The following CDK12 variants were observed in gnomAD, a reference collection of about 807,000 sequenced individuals.
CDK12 encodes cyclin dependent kinase 12, also known as cyclin-dependent kinase 12.
A neutral mutation model predicts 133.8 loss-of-function variants in CDK12; 17 were observed. That is an observed-to-expected ratio of 0.13 (90% CI 0.09 to 0.19). The LOEUF (loss-of-function observed/expected upper bound fraction) is 0.19, where lower values mean the gene tolerates loss of function less well. Among genes scored for constraint, CDK12 ranks in the 10% least tolerant of loss-of-function variants. The pLI is 1.00. For synonymous variants in CDK12, 694 were observed against 683.6 expected (o/e 1.02, Z -0.24); for missense variants, 1,508 against 1,818.7 (o/e 0.83, Z 3.11).
intron 2 of CDK12, among the ~76,000 whole-genome samples, chr17:39,474,559 C>T (rs2050036655): frequency 6.6e-6 from 1 of 152,132 alleles, no homozygotes; most frequent in Admixed American, 6.6e-5. Flanking sequence ...AAGTGATCCG[C>T]TTGCTTTGGC....
chr17:39,466,615 G>GAAAAAAAAAAAAAAAA (rs71147339), intron 1 of CDK12, among the ~76,000 whole-genome samples: 1 of 31,482 alleles, frequency 3.2e-5, no homozygotes. Context: ...AACTCTATCT[G>GAAAAAAAAAAAAAAAA]AAAAAAAAAA....
chr17:39,490,558 C>T lies in CDK12; in HGVS notation c.1933C>T (p.Pro645Ser), dbSNP rs754157372. 2 of 1,602,086 alleles carry T rather than the reference C, an allele frequency of 1.2e-6. No individual in the cohort carries two copies. The highest frequency in any genetic ancestry group is 1.7e-6 in the Non-Finnish European group (2 of 1,174,124). The change falls in exon 3 of 14, where the codon CCA becomes TCA. Residue 645 changes from proline to serine, a missense_variant and splice_region_variant. Around this residue, in one of 9 missense-constraint regions of CDK12, gnomAD observed 347 missense variants for 330.8 expected, o/e 1.05. Coordinates refer to ENST00000447079, the MANE Select transcript of CDK12 (RefSeq NM_016507.4). ...CATCTCTTCTCATTTATTGTTTAGT[C>T]CAAAAGAAACTCTTCCTTCAAAACC... ...LLPGDDDMDS[P>S]KETLPSKPVK...
chr17:39,508,729 C>T (rs954601550), intron 6 of CDK12, among the ~76,000 whole-genome samples: 1 of 152,060 alleles, frequency 6.6e-6, no homozygotes, highest in Non-Finnish European at 1.5e-5. Flanking sequence ...TCATGGTGGC[C>T]CATGCCTGTA....
chr17:39,507,315 G>C (rs563311145), intron 6 of CDK12, among the ~76,000 whole-genome samples: 2 of 151,504 alleles, frequency 1.3e-5, no homozygotes, highest in Non-Finnish European at 2.9e-5. Flanking sequence ...GGCCGGGCGC[G>C]GTGGCTCATG....
At chr17:39,477,453 G>C (rs1204039400) in intron 2 of CDK12, among the ~76,000 whole-genome samples, 2 of 151,350 alleles carry the variant, frequency 1.3e-5, no homozygotes, top group Admixed American at 6.6e-5. Flanking sequence ...GGTCAGGCTG[G>C]TCTCGAACTC....
At chr17:39,536,209 C>A (rs1448429349), downstream of CDK12, among the ~76,000 whole-genome samples, 2 of 152,164 alleles carry the variant, frequency 1.3e-5, no homozygotes, top group African/African-American at 4.8e-5. Flanking sequence ...ATTTCTCTTT[C>A]TCCCCACTCA....
rs187037757 is a variant in CDK12, at chr17:39,501,502, A to C, written c.2609+63A>C. 4,589 of 1,124,824 alleles carry C rather than the reference A, an allele frequency of 4.1e-3. 14 individuals are homozygous for C. The highest frequency in any genetic ancestry group is 5.7e-3 in the Non-Finnish European group (4,394 of 771,416). The allele number at this position is 1,124,824 out of a possible 1,614,324, so 69.7% of individuals were successfully genotyped here. On this transcript the variant is annotated intron_variant, in intron 6 of 13. Coordinates refer to ENST00000447079, the MANE Select transcript of CDK12 (RefSeq NM_016507.4). ...TTCTCCTCTGACCTTTTTAGTTTCA[A>C]ATGGTTAATTGGTATTATAATTAGA...
chr17:39,509,660 G>A (rs1246191744), intron 6 of CDK12, 45 bp from the exon 7 acceptor site: 1 of 1,368,198 alleles, frequency 7.3e-7, no homozygotes, highest in African/African-American at 1.4e-5. Flanking sequence ...GTATTTTGGA[G>A]GCCACTGCTA....
chr17:39,525,477 G>T (rs1170291441), intron 12 of CDK12, among the ~76,000 whole-genome samples: 1 of 152,092 alleles, frequency 6.6e-6, no homozygotes, highest in Non-Finnish European at 1.5e-5. Flanking sequence ...AATCATCCTG[G>T]AAGCTTTAAA....
intron 1 of CDK12, among the ~76,000 whole-genome samples, chr17:39,542,190 CTTTT>C (rs1172086295): frequency 6.9e-6 from 1 of 145,324 alleles, no homozygotes. Context: ...AAAGAATAAT[CTTTT>C]TTTTTTTTTG....
chr17:39,482,413 C>T lies in CDK12; in HGVS notation c.1932-8144C>T, dbSNP rs531432823. Among the ~76,000 whole-genome samples, 348 of 151,942 alleles carry T rather than the reference C, an allele frequency of 2.3e-3. 2 individuals carry two copies. The highest frequency in any genetic ancestry group is 8.0e-3 in the African/African-American group (330 of 41,454). ...TGTATCTCTATAAGTTCAGTAAACT[C>T]CAAATGAACCAGGATTTTCCTAGTA... On this transcript the variant is annotated intron_variant, in intron 2 of 13. Transcript: ENST00000447079.
At chr17:39,543,393 C>A (rs2055523135), upstream of CDK12, among the ~76,000 whole-genome samples, 1 of 152,174 alleles carries the variant, frequency 6.6e-6, no homozygotes, top group Non-Finnish European at 1.5e-5. Context: ...TAGACCCCTC[C>A]TGGATGTATC....
Position 39,481,624 on chromosome 17 carries a change from C to T in CDK12, c.1932-8933C>T, listed in dbSNP as rs532834124. Among the ~76,000 whole-genome samples the T allele has an allele frequency of 8.7e-4, 102 of 117,054 alleles. 1 individual carries two copies. Among genetic ancestry groups the T allele is most frequent in the African/African-American group, 2.5e-3 (77 of 31,142 alleles). The allele number at this position is 117,054 out of a possible 152,430, so 76.8% of individuals were successfully genotyped here. ...TGCGCCCAGCACTTATGTGCTTGCT[C>T]GCTCGCGCGCTCTCTCTCTCTCTCT... On this transcript the variant is annotated intron_variant, in intron 2 of 13. Coordinates refer to ENST00000447079, the MANE Select transcript of CDK12 (RefSeq NM_016507.4).
intron 2 of CDK12, among the ~76,000 whole-genome samples, chr17:39,476,714 T>TTTTTTTTTTC (rs2050226914): frequency 1.0e-5 from 1 of 95,546 alleles, no homozygotes; most frequent in African/African-American, 4.6e-5. Context: ...TGCCTGCCTT[T>TTTTTTTTTTC]TTTTTTTTTT....
At chr17:39,511,876 A>G (rs2036635852) in intron 8 of CDK12, among the ~76,000 whole-genome samples, 1 of 152,132 alleles carries the variant, frequency 6.6e-6, no homozygotes, top group South Asian at 2.1e-4. Context: ...TAAGATACCC[A>G]AGTAAGGTTC....
rs1040684571 is a variant in CDK12 at position 39,530,470 on chromosome 17, G to C, written c.3761-134G>C. ...GATTTATTTATAATTGCAATTTTCT[G>C]ATCCCAAGATTTTATTCTTTATATA... On this transcript the variant is annotated intron_variant, in intron 13 of 13. Transcript: ENST00000447079. 39 of 1,305,498 alleles carry C rather than the reference G, an allele frequency of 3.0e-5. No individual in the cohort carries two copies. The South Asian group carries it at 5.6e-4, about 19-fold the overall frequency. 80.9% of individuals were successfully genotyped at this position (1,305,498 alleles called of 1,614,324 possible). A position where few individuals can be genotyped will look rare whatever the true frequency, so the allele number is the denominator to read the frequency against.
At position 39,463,017 on chromosome 17, in the gene CDK12, A is replaced by G; in HGVS notation, c.946A>G (p.Ser316Gly). 6.2e-7 allele frequency: 1 copy of G among 1,614,176 alleles called. No homozygotes were observed. The highest frequency in any genetic ancestry group is 1.1e-5 in the South Asian group (1 of 91,076). ...GAGACGGTCGTCCAGCTACGAAAGAAGTGGCTCTTACAGCGGGCGATCGCC... is the reference window on the plus strand; with the variant it reads ...GAGACGGTCGTCCAGCTACGAAAGAGGTGGCTCTTACAGCGGGCGATCGCC... ...SRRRSSSYER[S>G]GSYSGRSPSP... Residue 316 changes from serine (S) to glycine (G), a missense_variant, in exon 1 of 14, where the codon AGT becomes GGT. This residue lies in a region of CDK12 where 460 missense variants were observed against 490.8 expected (regional missense o/e 0.94). Coordinates refer to ENST00000447079, the MANE Select transcript of CDK12 (RefSeq NM_016507.4).
intron 1 of CDK12, among the ~76,000 whole-genome samples, chr17:39,466,338 G>C (rs1028581715): frequency 2.0e-5 from 3 of 149,834 alleles, no homozygotes; most frequent in African/African-American, 7.3e-5. Flanking sequence ...AAAAAGGCCA[G>C]GCGCAGTGGA....
intron 7 of CDK12, 63 bp downstream of exon 7, chr17:39,509,824 C>T: frequency 7.8e-7 from 1 of 1,279,214 alleles, no homozygotes; most frequent in Non-Finnish European, 1.1e-6. Flanking sequence ...TTTTTTGAGG[C>T]AGGATCTTAT....
Sources: gnomAD v4.1 joint callset for allele counts (sites outside exome capture counted in the v4.1 genomes callset) on GRCh38, gnomAD v4.1.1 for gene constraint, gnomAD v4.1.1 regional missense constraint, MANE v1.5 for transcripts, NCBI Gene and HGNC (gene_info 2026-07-23, HGNC 2026-07-21) for gene names.